The following GULP1 variants were observed in gnomAD, a reference collection of about 807,000 sequenced individuals.
GULP1 encodes the protein PTB domain-containing engulfment adapter protein 1.
In GULP1, 19 loss-of-function variants were observed where a neutral mutation model predicts 40.9. The ratio of observed to expected loss-of-function variants is 0.46; its 90% CI spans 0.32 to 0.68. GULP1 has a LOEUF of 0.68. Ranked by LOEUF, GULP1 falls within the 30% of genes least tolerant of loss-of-function variation. GULP1 has a pLI of 0.03. For missense variants in GULP1, 312 were observed against 362.2 expected, an observed-to-expected ratio of 0.86 and a Z score of 1.12; for synonymous variants, 119 against 117.6, an observed-to-expected ratio of 1.01 and a Z score of -0.08.
In GULP1 at chr2:188,408,594, C is replaced by T. The variant is rs1466556245; in HGVS notation, c.-45+24705C>T. ...TTAGGGGACTTTGATACCCCACTTTCAACAATGGACAGATTATCTAGACAG... is the reference window on the plus strand; with the variant it reads ...TTAGGGGACTTTGATACCCCACTTTTAACAATGGACAGATTATCTAGACAG... On this transcript the variant is annotated intron_variant, in intron 2 of 11. Coordinates refer to ENST00000409830, the MANE Select transcript of GULP1 (RefSeq NM_016315.4). Among the ~76,000 whole-genome samples the T allele has an allele frequency of 2.0e-5, 3 of 152,074 alleles. No individual in the cohort carries two copies. The East Asian group carries it at 5.8e-4, about 29-fold the overall frequency.
intron 1 of GULP1, among the ~76,000 whole-genome samples, chr2:188,341,643 A>C (rs2042981362): frequency 6.6e-6 from 1 of 152,196 alleles, no homozygotes; most frequent in Non-Finnish European, 1.5e-5. Context: ...ACAATACATT[A>C]TGAAAACTTA....
rs149518368 is a variant in GULP1 at position 188,399,583 on chromosome 2, G to A, written c.-45+15694G>A. 3.6e-4 allele frequency among the ~76,000 whole-genome samples: 55 copies of A among 151,348 alleles called. No homozygotes were observed. In the East Asian group the frequency reaches 0.01, roughly 29 times the overall value. ...AAAGCCATCAAACTGTCCAGGTGCAGTGGCTTATATCTGTAATCCCAGCAC... is the reference window on the plus strand; with the variant it reads ...AAAGCCATCAAACTGTCCAGGTGCAATGGCTTATATCTGTAATCCCAGCAC... On this transcript the variant is annotated intron_variant, in intron 2 of 11. Transcript: ENST00000409830.
At chr2:188,372,490 C>T (rs539308785) in intron 1 of GULP1, among the ~76,000 whole-genome samples, 1 of 152,028 alleles carries the variant, frequency 6.6e-6, no homozygotes, top group African/African-American at 2.4e-5. Flanking sequence ...TTCAGCATGT[C>T]ATAACTTCTC....
intron 1 of GULP1, among the ~76,000 whole-genome samples, chr2:188,303,987 A>G (rs2036603695): frequency 6.6e-6 from 1 of 152,160 alleles, no homozygotes; most frequent in Non-Finnish European, 1.5e-5. Context: ...GCCCTTACAG[A>G]ATAGGAGTAC....
chr2:188,450,591 A>G (rs2058758911), intron 2 of GULP1, among the ~76,000 whole-genome samples: 1 of 152,182 alleles, frequency 6.6e-6, no homozygotes, highest in East Asian at 1.9e-4. Context: ...TTTTCCCTGA[A>G]TGCTAAAGTG....
At chr2:188,358,577 A>T (rs548064536) in intron 1 of GULP1, among the ~76,000 whole-genome samples, 1 of 152,292 alleles carries the variant, frequency 6.6e-6, no homozygotes, top group Non-Finnish European at 1.5e-5. Flanking sequence ...CATAGTATAC[A>T]TGTATCATGT....
intron 11 of GULP1, chr2:188,589,188 C>T (rs545571838): frequency 6.6e-6 from 1 of 152,082 alleles, no homozygotes; most frequent in African/African-American, 2.4e-5. Context: ...AAATGAAAGC[C>T]AAATTGCAAC....
chr2:188,584,321 T>C lies in GULP1; in HGVS notation c.666T>C (p.Phe222=), dbSNP rs1701932436. Residue 222 remains phenylalanine (F), a synonymous_variant, in exon 10 of 12, where the codon TTT becomes TTC. Coordinates refer to ENST00000409830, the MANE Select transcript of GULP1 (RefSeq NM_016315.4). The part of the protein sequence containing the change: ...PSTDIFDMIP[F]SPISHQSSMP... Reference sequence around the variant, plus strand: ...CTGACATCTTTGATATGATTCCATTTTCTCCAATATCACACCAGTCTTCGA... The same window carrying C: ...CTGACATCTTTGATATGATTCCATTCTCTCCAATATCACACCAGTCTTCGA... 1.2e-6 allele frequency: 2 copies of C among 1,607,094 alleles called. No homozygotes were observed. The highest frequency in any genetic ancestry group is 1.7e-6 in the Non-Finnish European group (2 of 1,173,862).
intron 1 of GULP1, among the ~76,000 whole-genome samples, chr2:188,299,535 A>T (rs1177436143): frequency 6.6e-6 from 1 of 152,222 alleles, no homozygotes; most frequent in Non-Finnish European, 1.5e-5. Flanking sequence ...TCTGGGAAAT[A>T]TAACTGTGTT....
intron 2 of GULP1, among the ~76,000 whole-genome samples, chr2:188,453,188 A>G (rs752645729): frequency 5.9e-5 from 9 of 152,198 alleles, no homozygotes; most frequent in Non-Finnish European, 1.0e-4. Context: ...TATGTGTTAA[A>G]ATAAGCCAAT....
At chr2:188,523,898 C>A (rs560530194) in intron 5 of GULP1, among the ~76,000 whole-genome samples, 1 of 151,994 alleles carries the variant, frequency 6.6e-6, no homozygotes, top group Non-Finnish European at 1.5e-5. Context: ...CTAAAATCTC[C>A]GAAGATAATA....
intron 2 of GULP1, among the ~76,000 whole-genome samples, chr2:188,397,124 G>A (rs1450652115): frequency 1.3e-5 from 2 of 148,446 alleles, no homozygotes; most frequent in African/African-American, 4.9e-5. Context: ...CAGTTTTCTT[G>A]TTAAGTTTCT....
chr2:188,317,234 T>C (rs2039233685), intron 1 of GULP1, among the ~76,000 whole-genome samples: 1 of 152,182 alleles, frequency 6.6e-6, no homozygotes. Flanking sequence ...TTTGGTTTCC[T>C]AAGATTATAT....
chr2:188,392,831 C>CT (rs1446611342), intron 2 of GULP1, among the ~76,000 whole-genome samples: 3 of 151,880 alleles, frequency 2.0e-5, no homozygotes, highest in Non-Finnish European at 4.4e-5. Flanking sequence ...CCATCTTGAT[C>CT]TTGTTATTAA....
intron 1 of GULP1, chr2:188,294,394 G>A (rs1574159842): frequency 6.6e-6 from 1 of 152,170 alleles, no homozygotes; most frequent in South Asian, 2.1e-4. Flanking sequence ...GAAGTAAAAG[G>A]TGAGATGATC....
intron 10 of GULP1, among the ~76,000 whole-genome samples, chr2:188,585,594 T>C (rs1375039772): frequency 1.3e-5 from 2 of 152,188 alleles, no homozygotes; most frequent in African/African-American, 4.8e-5. Context: ...TTTTACCCCA[T>C]GAAGCAATGG....
intron 1 of GULP1, among the ~76,000 whole-genome samples, chr2:188,336,598 A>G (rs528255236): frequency 6.6e-6 from 1 of 152,192 alleles, no homozygotes; most frequent in Non-Finnish European, 1.5e-5. Flanking sequence ...ATGTGGCTGG[A>G]GTGTCCTGGA....
intron 2 of GULP1, among the ~76,000 whole-genome samples, chr2:188,437,408 T>C (rs1445603264): frequency 6.6e-6 from 1 of 152,104 alleles, no homozygotes; most frequent in Non-Finnish European, 1.5e-5. Context: ...CTTTTCCCAC[T>C]TTGGCTTCAG....
At chr2:188,425,030 A>G (rs2055984420) in intron 2 of GULP1, among the ~76,000 whole-genome samples, 1 of 152,002 alleles carries the variant, frequency 6.6e-6, no homozygotes, top group African/African-American at 2.4e-5. Context: ...TATTAGTACC[A>G]ACTGATGCTC....
Sources: gnomAD v4.1 joint callset for allele counts (sites outside exome capture counted in the v4.1 genomes callset) on GRCh38, gnomAD v4.1.1 for gene constraint, MANE v1.5 for transcripts, NCBI Gene and HGNC (gene_info 2026-07-23, HGNC 2026-07-21) for gene names.